The following AGBL4 variants were observed in gnomAD, a reference collection of about 807,000 sequenced individuals.
AGBL4 encodes AGBL carboxypeptidase 4.
Under a neutral mutation model 66.4 loss-of-function variants are expected in AGBL4, and 58 were observed. The ratio of observed to expected loss-of-function variants is 0.87; its 90% CI spans 0.71 to 1.09. The LOEUF is 1.09. Ranked by LOEUF, AGBL4 falls within the 50% of genes least tolerant of loss-of-function variation. The probability of loss-of-function intolerance (pLI) is 0.00; values close to 1 mark genes in which losing one functional copy is unlikely to be tolerated. For missense variants in AGBL4, 579 were observed against 631.0 expected, an observed-to-expected ratio of 0.92 and a Z score of 0.88; for synonymous variants, 234 against 222.9, an observed-to-expected ratio of 1.05 and a Z score of -0.44.
intron 2 of AGBL4, among the ~76,000 whole-genome samples, chr1:49,748,041 T>C (rs888408722): frequency 6.6e-6 from 1 of 151,964 alleles, no homozygotes; most frequent in African/African-American, 2.4e-5. Context: ...TTGGGATACA[T>C]GTGCGGAATG....
intron 6 of AGBL4, among the ~76,000 whole-genome samples, chr1:48,687,555 G>C (rs1441603731): frequency 6.6e-6 from 1 of 152,198 alleles, no homozygotes; most frequent in Non-Finnish European, 1.5e-5. Context: ...AAATGTTCTG[G>C]TCTGGTGATC....
intron 3 of AGBL4, among the ~76,000 whole-genome samples, chr1:49,535,317 A>G (rs1406926608): frequency 2.0e-5 from 3 of 148,650 alleles, no homozygotes; most frequent in Admixed American, 1.3e-4. Flanking sequence ...ACATTAATAT[A>G]TTAATATAAT....
rs192001176 is a variant in AGBL4 at position 49,084,610 on chromosome 1, G to A, written c.378-38810C>T. 9.9e-5 allele frequency among the ~76,000 whole-genome samples: 15 copies of A among 152,260 alleles called. No homozygotes were observed. In the East Asian group the frequency reaches 2.9e-3, roughly 29 times the overall value. ...CCACCTGGCCCTGCCCTTGACACAT[G>A]GGGATTATGACAATTCAAGGTGAGA... On this transcript the variant is annotated intron_variant, in intron 4 of 13. Transcript: ENST00000371839.
At chr1:48,528,732 G>A (rs1643892247), downstream of AGBL4, among the ~76,000 whole-genome samples, 1 of 152,094 alleles carries the variant, frequency 6.6e-6, no homozygotes, top group Non-Finnish European at 1.5e-5. Context: ...GAGTGCCTTG[G>A]GGGAGTCCTG....
At chr1:49,075,942 G>A (rs953220802) in intron 4 of AGBL4, among the ~76,000 whole-genome samples, 2 of 152,046 alleles carry the variant, frequency 1.3e-5, no homozygotes, top group African/African-American at 4.8e-5. Flanking sequence ...CTGTTGGGTA[G>A]GTACCAAGAA....
intron 5 of AGBL4, among the ~76,000 whole-genome samples, chr1:49,018,036 C>A (rs1662950401): frequency 6.6e-6 from 1 of 152,114 alleles, no homozygotes; most frequent in Non-Finnish European, 1.5e-5. Context: ...GCAGTTACAC[C>A]AAAACCAGGT....
chr1:49,258,431 C>G lies in AGBL4; in HGVS notation c.283-12567G>C, dbSNP rs560415830. 5.3e-5 allele frequency among the ~76,000 whole-genome samples: 8 copies of G among 152,174 alleles called. No homozygotes were observed. The East Asian group carries it at 1.5e-3, about 29-fold the overall frequency. ...GAAAAAAATTTAGACGAATGTATAA[C>G]TAGAATAACCAATATAGAGAAGTGC... On this transcript the variant is annotated intron_variant, in intron 3 of 13. Coordinates refer to ENST00000371839, the MANE Select transcript of AGBL4 (RefSeq NM_032785.4).
chr1:49,086,384 G>T (rs912533660), intron 4 of AGBL4, among the ~76,000 whole-genome samples: 1 of 152,032 alleles, frequency 6.6e-6, no homozygotes, highest in Non-Finnish European at 1.5e-5. Flanking sequence ...GAAAGCAGGG[G>T]TGGGGGTGAC....
chr1:48,886,735 G>C (rs1314743493), intron 5 of AGBL4, among the ~76,000 whole-genome samples: 1 of 152,008 alleles, frequency 6.6e-6, no homozygotes, highest in East Asian at 1.9e-4. Context: ...TGTATTTTTA[G>C]TAGAGAGGAG....
intron 11 of AGBL4, among the ~76,000 whole-genome samples, chr1:48,558,583 CAG>C (rs983677632): frequency 6.6e-6 from 1 of 152,204 alleles, no homozygotes; most frequent in Non-Finnish European, 1.5e-5. Context: ...ACTTGTGAAA[CAG>C]GGAATTACCC....
chr1:48,564,754 A>G (rs1182288976), intron 11 of AGBL4, among the ~76,000 whole-genome samples: 1 of 152,176 alleles, frequency 6.6e-6, no homozygotes, highest in Non-Finnish European at 1.5e-5. Context: ...CTCAAACTCA[A>G]AACTCAACCA....
chr1:49,602,333 C>A (rs1644975933), intron 3 of AGBL4, among the ~76,000 whole-genome samples: 1 of 152,106 alleles, frequency 6.6e-6, no homozygotes. Flanking sequence ...ACCCAGCGAT[C>A]ACATCACTGG....
chr1:49,844,196 G>A (rs1006764838), intron 2 of AGBL4, among the ~76,000 whole-genome samples: 2 of 152,208 alleles, frequency 1.3e-5, no homozygotes, highest in Admixed American at 1.3e-4. Flanking sequence ...TGGCACAACA[G>A]CATATGCTGC....
intron 2 of AGBL4, among the ~76,000 whole-genome samples, chr1:49,730,165 C>T (rs1649329839): frequency 1.3e-5 from 2 of 152,120 alleles, no homozygotes; most frequent in South Asian, 2.1e-4. Flanking sequence ...ACTTCAGGTC[C>T]CCTCTTGTTG....
intron 6 of AGBL4, among the ~76,000 whole-genome samples, chr1:48,850,342 A>G (rs1032130884): frequency 3.3e-5 from 5 of 152,166 alleles, no homozygotes; most frequent in African/African-American, 9.7e-5. Flanking sequence ...AGGTAAGGGT[A>G]GGGACAGCAG....
At chr1:49,598,202 T>C (rs1055995662) in intron 3 of AGBL4, among the ~76,000 whole-genome samples, 1 of 152,184 alleles carries the variant, frequency 6.6e-6, no homozygotes, top group Non-Finnish European at 1.5e-5. Flanking sequence ...TCTGAAGCCT[T>C]CTTCTCTCAA....
At chr1:49,366,615 C>T (rs1300102076) in intron 3 of AGBL4, among the ~76,000 whole-genome samples, 1 of 152,136 alleles carries the variant, frequency 6.6e-6, no homozygotes, top group East Asian at 1.9e-4. Flanking sequence ...TCTGTACCCT[C>T]CAATATTCAC....
chr1:49,267,418 C>G (rs561773674), intron 3 of AGBL4, among the ~76,000 whole-genome samples: 1 of 152,230 alleles, frequency 6.6e-6, no homozygotes, highest in Non-Finnish European at 1.5e-5. Context: ...CGGTGGCTCA[C>G]GCCTATAATC....
intron 3 of AGBL4, among the ~76,000 whole-genome samples, chr1:49,491,728 G>T (rs1448690660): frequency 1.3e-5 from 2 of 151,812 alleles, no homozygotes; most frequent in African/African-American, 2.4e-5. Context: ...ATTTATCTGA[G>T]CAACTTATAT....
Sources: gnomAD v4.1 joint callset for allele counts (sites outside exome capture counted in the v4.1 genomes callset) on GRCh38, gnomAD v4.1.1 for gene constraint, MANE v1.5 for transcripts, NCBI Gene and HGNC (gene_info 2026-07-23, HGNC 2026-07-21) for gene names.